BOD1L1: variants seen among roughly 807,000 people sequenced by gnomAD.
BOD1L1 encodes biorientation of chromosomes in cell division 1 like 1.
Under a neutral mutation model 240.7 loss-of-function variants are expected in BOD1L1, and 86 were observed. The observed-to-expected ratio is 0.36, with a 90% CI of 0.30 to 0.43. The LOEUF (loss-of-function observed/expected upper bound fraction) is 0.43. Ranked by LOEUF, BOD1L1 falls within the 20% of genes least tolerant of loss-of-function variation. The pLI is 1.00. For synonymous variants in BOD1L1, 1,268 were observed against 1,272.3 expected (o/e 1.00, Z 0.07); for missense variants, 3,554 against 3,643.5 (o/e 0.98, Z 0.63).
intron 6 of BOD1L1, 86 bp from the exon 7 acceptor site, chr4:13,609,492 C>A (rs1715989908): frequency 6.0e-6 from 5 of 838,574 alleles, no homozygotes; most frequent in South Asian, 2.5e-5. Flanking sequence ...TTTTAGTTTA[C>A]CCTTCAGATG....
chr4:13,614,704 T>A lies in BOD1L1; in HGVS notation c.666A>T (p.Thr222=). ...CACTGGTCTTGGCATTTGATGTTTC[T>A]GTTGAAGCCCTAGCAGCACTGGCTT... is the stretch of plus-strand genomic sequence containing the variant. ...NQEASAARAS[T]ETSNAKTSER... Residue 222 remains threonine (T), a synonymous_variant, in exon 4 of 26, where the codon ACA becomes ACT. Coordinates refer to ENST00000040738, the MANE Select transcript of BOD1L1 (RefSeq NM_148894.3). The A allele has an allele frequency of 6.2e-7, 1 of 1,613,946 alleles. No homozygotes were observed.
chr4:13,624,128 TAGAAG>T (rs1369619346), intron 1 of BOD1L1: 1 of 150,634 alleles, frequency 6.6e-6, no homozygotes, highest in African/African-American at 2.5e-5. Context: ...ACTAAGGGAG[TAGAAG>T]AGAAGGAGAG....
At chr4:13,577,059 T>C in intron 24 of BOD1L1, 68 bp from the exon 25 acceptor site, 5 of 1,558,260 alleles carry the variant, frequency 3.2e-6, no homozygotes, top group East Asian at 2.2e-5. Context: ...GAGAGAGTCA[T>C]GGAGTTTAGA....
chr4:13,582,005 T>G (rs1485172530), intron 19 of BOD1L1, among the ~76,000 whole-genome samples: 1 of 152,104 alleles, frequency 6.6e-6, no homozygotes, highest in Non-Finnish European at 1.5e-5. Flanking sequence ...TATCTGGCTA[T>G]GACATAAGTG....
chr4:13,603,055 G>A lies in BOD1L1; in HGVS notation c.3845C>T (p.Pro1282Leu), dbSNP rs148308954. 99 of 1,613,960 alleles carry A rather than the reference G, an allele frequency of 6.1e-5. No individual in the cohort carries two copies. The African/African-American group carries it at 1.1e-3, about 17-fold the overall frequency. The change falls in exon 10 of 26, where the codon CCA (proline) becomes CTA (leucine). Residue 1282 changes from proline to leucine, a missense_variant. Pro to Leu is a moderately conservative substitution (Grantham distance 98, BLOSUM62 -3). Transcript: ENST00000040738. The stretch of plus-strand genomic sequence containing the variant: ...CACAACAGTCACTGAACTTAAGGAT[G>A]GTGAGGAGTCTAAATTTGTGGAATG... ...LEHSTNLDSS[P>L]SLSSVTVVPL...
chr4:13,615,931 G>A (rs965139862), intron 2 of BOD1L1, among the ~76,000 whole-genome samples: 1 of 151,914 alleles, frequency 6.6e-6, no homozygotes, highest in African/African-American at 2.4e-5. Context: ...AAAAATGTAA[G>A]CTTTTTATAA....
Position 13,570,139 on chromosome 4 carries a change from C to T in BOD1L1, c.9039-11G>A, listed in dbSNP as rs773262543. On this transcript the variant is annotated splice_polypyrimidine_tract_variant and intron_variant, in intron 25 of 25. Transcript: ENST00000040738. The stretch of plus-strand genomic sequence containing the variant: ...AGCTGTGTCTTTGATCTGCATTAAG[C>T]AAAGTCAAGGCAATGGTGAGGTTTA... 8 of 1,549,508 alleles carry T rather than the reference C, an allele frequency of 5.2e-6. No individual in the cohort carries two copies. In the African/African-American group the frequency reaches 1.1e-4, roughly 22 times the overall value.
At position 13,620,883 on chromosome 4, in the gene BOD1L1, G is replaced by T. The variant is rs150365003; in HGVS notation, c.244-816C>A. Reference sequence around the variant, plus strand: ...GGCATTAAATCTGAGGTAAGGCAATGGTTCTCTACCAAGAAGGATTTCACT... The same window carrying T: ...GGCATTAAATCTGAGGTAAGGCAATTGTTCTCTACCAAGAAGGATTTCACT... On this transcript the variant is annotated intron_variant, in intron 1 of 25. Coordinates refer to ENST00000040738, the MANE Select transcript of BOD1L1 (RefSeq NM_148894.3). Among the ~76,000 whole-genome samples the T allele has an allele frequency of 4.0e-3, 607 of 152,276 alleles. 1 individual carries two copies. The highest frequency in any genetic ancestry group is 0.013 in the African/African-American group (558 of 41,552).
rs138337769 is a variant in BOD1L1, at chr4:13,602,866, T to C, written c.4034A>G (p.Glu1345Gly). 120 of 1,614,044 alleles carry C rather than the reference T, an allele frequency of 7.4e-5. No homozygotes were observed. Among genetic ancestry groups the C allele is most frequent in the Non-Finnish European group, 9.6e-5 (113 of 1,179,888 alleles). ...SEVLKTSDSK[E>G]GGEGFTVDTP... ...ATCTACTGTGAAACCTTCACCACCT[T>C]CTTTGCTGTCACTTGTCTTAAGGAC... Residue 1345 changes from glutamate (E) to glycine (G), a missense_variant, in exon 10 of 26, where the codon GAA becomes GGA. Physicochemically the swap from Glu to Gly is moderately conservative, Grantham distance 98. Around this residue, in one of 2 missense-constraint regions of BOD1L1, gnomAD observed 3,393 missense variants for 3,427.1 expected, o/e 0.99. Transcript: ENST00000040738.
chr4:13,602,482 A>G lies in BOD1L1; in HGVS notation c.4418T>C (p.Val1473Ala), dbSNP rs1170918980. ...PGKVKDISID[V>A]ERRNENSEVD... ...CTCACTGTTTTCATTCCTTCTTTCA[A>G]CATCAATTGATATGTCTTTTACTTT... The change falls in exon 10 of 26, where the codon GTT (valine) becomes GCT (alanine). Residue 1473 changes from valine to alanine, a missense_variant. By Grantham distance (64) the Val-to-Ala change is moderately conservative. Transcript: ENST00000040738. The G allele has an allele frequency of 1.2e-6, 2 of 1,613,768 alleles. No homozygotes were observed. The highest frequency in any genetic ancestry group is 1.7e-6 in the Non-Finnish European group (2 of 1,179,862).
chr4:13,574,795 G>A (rs971737524), intron 25 of BOD1L1, among the ~76,000 whole-genome samples: 2 of 152,184 alleles, frequency 1.3e-5, no homozygotes, highest in South Asian at 2.1e-4. Flanking sequence ...TTAGCCGTGT[G>A]AGCTTCTAGA....
rs370834630 is a variant in BOD1L1 at position 13,604,649 on chromosome 4, G to A, written c.2251C>T (p.His751Tyr). 3.7e-5 allele frequency: 59 copies of A among 1,581,756 alleles called. No individual in the cohort carries two copies. The highest frequency in any genetic ancestry group is 5.0e-5 in the Non-Finnish European group (58 of 1,170,754). The change falls in exon 10 of 26, where the codon CAT (histidine) becomes TAT (tyrosine). Residue 751 changes from histidine (H) to tyrosine (Y), a missense_variant. This residue lies in a region of BOD1L1 where 3,393 missense variants were observed against 3,427.1 expected (regional missense o/e 0.99). Transcript: ENST00000040738. Reference sequence around the variant, plus strand: ...AGCTCAGTCTCATCACCTGTTTTATGCATACAATCACCTTTATATTTATGT... The same window carrying A: ...AGCTCAGTCTCATCACCTGTTTTATACATACAATCACCTTTATATTTATGT... ...VKHKYKGDCM[H>Y]KTGDETELHS...
intron 25 of BOD1L1, among the ~76,000 whole-genome samples, chr4:13,575,889 C>T (rs1368268426): frequency 1.0e-4 from 15 of 147,192 alleles, no homozygotes; most frequent in Admixed American, 1.0e-3. Flanking sequence ...AGGAGTTTGC[C>T]AAACCCTTTT....
chr4:13,606,734 T>C (rs1165425240), intron 9 of BOD1L1, among the ~76,000 whole-genome samples: 1 of 152,220 alleles, frequency 6.6e-6, no homozygotes, highest in African/African-American at 2.4e-5. Flanking sequence ...TTACTTGTAC[T>C]CTAAAAAATT....
rs376052894 is a variant in BOD1L1, at chr4:13,619,394, T to A, written c.368+549A>T. On this transcript the variant is annotated intron_variant, in intron 2 of 25. Transcript: ENST00000040738. Reference sequence around the variant, plus strand: ...CGAGTTCTTATAATTGTCATTACCTTATGTTCACTCAAAATGGCTCTGACA... The same window carrying A: ...CGAGTTCTTATAATTGTCATTACCTAATGTTCACTCAAAATGGCTCTGACA... 3.3e-4 allele frequency among the ~76,000 whole-genome samples: 50 copies of A among 151,876 alleles called. No individual in the cohort carries two copies. The East Asian group carries it at 4.9e-3, about 15-fold the overall frequency.
In BOD1L1 at chr4:13,603,406, T is replaced by C. The variant is rs1692494927; in HGVS notation, c.3494A>G (p.Asp1165Gly). Residue 1165 changes from aspartate (D) to glycine (G), a missense_variant, in exon 10 of 26, where the codon GAT becomes GGT. Asp to Gly is a moderately conservative substitution (Grantham distance 94). Around this residue, in one of 2 missense-constraint regions of BOD1L1, gnomAD observed 3,393 missense variants for 3,427.1 expected, o/e 0.99. Transcript: ENST00000040738. ...ATCTGCTGTGCAAGTTCTCAATTCA[T>C]CCTTTTGAACAGTGGCAGAAGTTTT... Reference protein sequence around the residue: ...KQKTSATVQKDELRTCTADSK... With the variant: ...KQKTSATVQKGELRTCTADSK... The C allele has an allele frequency of 2.5e-6, 4 of 1,613,926 alleles. No individual in the cohort carries two copies. Among genetic ancestry groups the C allele is most frequent in the Non-Finnish European group, 3.4e-6 (4 of 1,179,876 alleles).
rs1170283372 is a variant in BOD1L1, at chr4:13,604,840, G to T, written c.2060C>A (p.Thr687Asn). The T allele has an allele frequency of 3.7e-6, 6 of 1,611,510 alleles. No individual in the cohort carries two copies. In the Admixed American group the frequency reaches 8.4e-5, roughly 23 times the overall value. Residue 687 changes from threonine (T) to asparagine (N), a missense_variant, in exon 10 of 26, where the codon ACC becomes AAC. Physicochemically the swap from Thr to Asn is moderately conservative, Grantham distance 65. This residue lies in a region of BOD1L1 where 3,393 missense variants were observed against 3,427.1 expected (regional missense o/e 0.99). Transcript: ENST00000040738. ...KRQVERSEIC[T>N]EEPQKQKSTL... is the part of the protein sequence containing the mutation. ...GCTTTTCTGTTTCTGGGGCTCTTCGGTGCAAATTTCTGAGCGTTCTACTTG... is the reference window on the plus strand; with the variant it reads ...GCTTTTCTGTTTCTGGGGCTCTTCGTTGCAAATTTCTGAGCGTTCTACTTG...
chr4:13,582,633 A>C lies in BOD1L1; in HGVS notation c.8518+19T>G. ...CTTTGAAGGCTCAGTCAATTTACCC[A>C]AGCAGATATTTTACTCACCTTTTTC... On this transcript the variant is annotated intron_variant, in intron 18 of 25. Coordinates refer to ENST00000040738, the MANE Select transcript of BOD1L1 (RefSeq NM_148894.3). The C allele has an allele frequency of 6.4e-7, 1 of 1,573,764 alleles. No homozygotes were observed. Among genetic ancestry groups the C allele is most frequent in the Non-Finnish European group, 8.7e-7 (1 of 1,144,458 alleles).
At chr4:13,598,088 G>A (rs1316859972) in intron 10 of BOD1L1, among the ~76,000 whole-genome samples, 1 of 152,200 alleles carries the variant, frequency 6.6e-6, no homozygotes, top group African/African-American at 2.4e-5. Context: ...CAATTGTCAT[G>A]CTTTAAAGTG....
Sources: gnomAD v4.1 joint callset for allele counts (sites outside exome capture counted in the v4.1 genomes callset) on GRCh38, gnomAD v4.1.1 for gene constraint, gnomAD v4.1.1 regional missense constraint, MANE v1.5 for transcripts, NCBI Gene and HGNC (gene_info 2026-07-23, HGNC 2026-07-21) for gene names.